Variants in CSMD1 observed in about 807,000 individuals in gnomAD.
CSMD1 encodes the protein CUB and sushi domain-containing protein 1.
Under a neutral mutation model 417.5 loss-of-function variants are expected in CSMD1, and 213 were observed. The ratio of observed to expected loss-of-function variants is 0.51; its 90% CI spans 0.46 to 0.57. The LOEUF (loss-of-function observed/expected upper bound fraction) is 0.57. Among genes scored for constraint, CSMD1 ranks in the 20% least tolerant of loss-of-function variants. The pLI is 0.00. For missense variants in CSMD1, 6,923 were observed against 4,529.7 expected (o/e 1.53, Z -15.17); for synonymous variants, 2,862 against 1,736.8 (o/e 1.65, Z -16.11).
chr8:3,126,267 G>C (rs1817504025), intron 41 of CSMD1, among the ~76,000 whole-genome samples: 1 of 152,204 alleles, frequency 6.6e-6, no homozygotes, highest in Non-Finnish European at 1.5e-5. Context: ...GTTCAGTAAA[G>C]CTTAGTCTTG....
At chr8:4,383,813 T>C (rs1803264236) in intron 3 of CSMD1, among the ~76,000 whole-genome samples, 1 of 152,108 alleles carries the variant, frequency 6.6e-6, no homozygotes, top group Admixed American at 6.5e-5. Context: ...TAATACCAAA[T>C]TATTGTGAAA....
chr8:4,156,283 G>C (rs1339707411), intron 3 of CSMD1, among the ~76,000 whole-genome samples: 1 of 152,040 alleles, frequency 6.6e-6, no homozygotes, highest in East Asian at 1.9e-4. Context: ...AGTTGATGGG[G>C]TTGAAAATGC....
At chr8:3,714,965 T>A (rs1801743652) in intron 6 of CSMD1, among the ~76,000 whole-genome samples, 1 of 152,172 alleles carries the variant, frequency 6.6e-6, no homozygotes, top group Non-Finnish European at 1.5e-5. Context: ...CTAGGAGCAT[T>A]TACACTATAA....
intron 10 of CSMD1, among the ~76,000 whole-genome samples, chr8:3,497,292 A>C (rs1430590114): frequency 6.6e-6 from 1 of 152,184 alleles, no homozygotes; most frequent in Non-Finnish European, 1.5e-5. Context: ...CTCTCCCATC[A>C]ATAATGTTTG....
chr8:4,583,849 T>C (rs1237853090), intron 2 of CSMD1, among the ~76,000 whole-genome samples: 2 of 152,064 alleles, frequency 1.3e-5, no homozygotes, highest in African/African-American at 4.8e-5. Context: ...CCTTCCACAC[T>C]GTGGAAGCTT....
chr8:4,230,406 T>C (rs930510760), intron 3 of CSMD1, among the ~76,000 whole-genome samples: 1 of 152,212 alleles, frequency 6.6e-6, no homozygotes, highest in Non-Finnish European at 1.5e-5. Context: ...AATGATCTTG[T>C]ATATAATCCA....
chr8:3,386,115 C>T (rs1810986966), intron 18 of CSMD1, among the ~76,000 whole-genome samples: 1 of 152,138 alleles, frequency 6.6e-6, no homozygotes, highest in African/African-American at 2.4e-5. Context: ...ACCATATTCC[C>T]TAGACAAATG....
chr8:3,056,708 G>T (rs887015309), intron 49 of CSMD1, among the ~76,000 whole-genome samples: 3 of 147,568 alleles, frequency 2.0e-5, no homozygotes, highest in Non-Finnish European at 4.4e-5. Context: ...TATTTCCAAT[G>T]TAAGAATTTT....
chr8:4,115,472 T>A (rs1421163846), intron 3 of CSMD1, among the ~76,000 whole-genome samples: 1 of 152,210 alleles, frequency 6.6e-6, no homozygotes, highest in Non-Finnish European at 1.5e-5. Context: ...TTATATATAA[T>A]GCTTTAGACG....
intron 10 of CSMD1, among the ~76,000 whole-genome samples, chr8:3,528,060 C>G (rs551831361): frequency 6.6e-6 from 1 of 152,108 alleles, no homozygotes; most frequent in Non-Finnish European, 1.5e-5. Context: ...TGGCAAAATC[C>G]AAACCACCCC....
chr8:4,464,623 G>A (rs1441009900), intron 2 of CSMD1, among the ~76,000 whole-genome samples: 1 of 152,200 alleles, frequency 6.6e-6, no homozygotes, highest in African/African-American at 2.4e-5. Context: ...ATTGTAAAAG[G>A]GTAAGAGTCC....
intron 3 of CSMD1, among the ~76,000 whole-genome samples, chr8:4,332,992 C>T (rs1799962959): frequency 1.3e-5 from 2 of 149,538 alleles, no homozygotes; most frequent in South Asian, 4.2e-4. Flanking sequence ...AGGTAAACGT[C>T]ATATGAAAGA....
intron 3 of CSMD1, among the ~76,000 whole-genome samples, chr8:4,245,155 C>G (rs1178617828): frequency 6.6e-6 from 1 of 152,204 alleles, no homozygotes; most frequent in African/African-American, 2.4e-5. Context: ...TGCCTGGGTT[C>G]AGAATCTCAT....
intron 1 of CSMD1, among the ~76,000 whole-genome samples, chr8:4,659,738 G>A (rs1055024202): frequency 2.0e-5 from 3 of 152,124 alleles, no homozygotes; most frequent in Admixed American, 2.0e-4. Context: ...ATACAACATT[G>A]TGAATGTACT....
chr8:4,135,398 G>A (rs1252011118), intron 3 of CSMD1, among the ~76,000 whole-genome samples: 2 of 107,140 alleles, frequency 1.9e-5, no homozygotes, highest in Non-Finnish European at 3.6e-5. Flanking sequence ...GAAGGAAGGG[G>A]AAAGAGGGAA....
chr8:4,309,274 C>G (rs1236294940), intron 3 of CSMD1, among the ~76,000 whole-genome samples: 2 of 152,002 alleles, frequency 1.3e-5, no homozygotes, highest in Non-Finnish European at 2.9e-5. Context: ...AATTATTCAG[C>G]TTCTTCAGAT....
intron 2 of CSMD1, among the ~76,000 whole-genome samples, chr8:4,574,285 A>C (rs370801465): frequency 1.3e-5 from 2 of 152,134 alleles, no homozygotes; most frequent in East Asian, 1.9e-4. Context: ...GGTTTGTTGG[A>C]TGCAGAAACT....
chr8:4,335,528 C>T (rs1435371697), intron 3 of CSMD1, among the ~76,000 whole-genome samples: 1 of 152,088 alleles, frequency 6.6e-6, no homozygotes, highest in Non-Finnish European at 1.5e-5. Flanking sequence ...CATGTAAGAA[C>T]ATCAGCACCA....
intron 5 of CSMD1, among the ~76,000 whole-genome samples, chr8:3,936,091 T>C (rs922600064): frequency 3.4e-4 from 51 of 151,834 alleles, no homozygotes; most frequent in African/African-American, 1.1e-3. Flanking sequence ...AAAATTTTCT[T>C]AAGCCAAAGC....
Sources: allele counts gnomAD v4.1 joint callset (sites outside exome capture counted in the v4.1 genomes callset), GRCh38; gene constraint gnomAD v4.1.1; transcripts MANE v1.5; gene names NCBI Gene and HGNC (gene_info 2026-07-23, HGNC 2026-07-21).